Variants in AFF1 observed in about 807,000 individuals in gnomAD.
AFF1 encodes AF4/FMR2 family member 1.
A neutral mutation model predicts 121.7 loss-of-function variants in AFF1; 48 were observed. The ratio of observed to expected loss-of-function variants is 0.39; its 90% CI spans 0.31 to 0.50. The LOEUF (loss-of-function observed/expected upper bound fraction) is 0.50, where lower values mean the gene tolerates loss of function less well. AFF1 is among the 20% of genes least tolerant of loss of function. The probability of loss-of-function intolerance (pLI) is 0.76; values close to 1 mark genes in which losing one functional copy is unlikely to be tolerated. For synonymous variants in AFF1, 613 were observed against 563.0 expected (o/e 1.09, Z -1.26); for missense variants, 1,523 against 1,511.7 (o/e 1.01, Z -0.12).
chr4:86,997,578 C>G (rs569531214), intron 2 of AFF1, among the ~76,000 whole-genome samples: 2 of 147,554 alleles, frequency 1.4e-5, no homozygotes, highest in African/African-American at 5.0e-5. Context: ...CTGGCCAACA[C>G]GGTGAAACCC....
chr4:87,039,422 G>T (rs958584036), intron 2 of AFF1, among the ~76,000 whole-genome samples: 3 of 152,232 alleles, frequency 2.0e-5, no homozygotes, highest in African/African-American at 7.2e-5. Flanking sequence ...CTTTCTGAAA[G>T]TGAGAGCATT....
rs753186809 is a variant in AFF1 at position 87,069,271 on chromosome 4, CTTTTTTTTT to C, written c.1060-14835_1060-14827del. ...ACAGGTGGCGTGGTGTGTGTGGCCT[CTTTTTTTTT>C]TTTTTTTTTTTTTGGCTACCACTAG... On this transcript the variant is annotated intron_variant, in intron 4 of 20. Transcript: ENST00000395146. 5.0e-4 allele frequency among the ~76,000 whole-genome samples: 40 copies of C among 80,570 alleles called. No homozygotes were observed. In the East Asian group the frequency reaches 9.0e-3, roughly 18 times the overall value. The allele number at this position is 80,570 out of a possible 152,430, so 52.9% of individuals were successfully genotyped here. A position where few individuals can be genotyped will look rare whatever the true frequency, so the allele number is the denominator to read the frequency against.
intron 12 of AFF1, among the ~76,000 whole-genome samples, chr4:87,121,279 T>C (rs1727658174): frequency 6.6e-6 from 1 of 152,204 alleles, no homozygotes; most frequent in Non-Finnish European, 1.5e-5. Context: ...CTCATCTGAA[T>C]GGCTTCTTGA....
chr4:86,946,234 C>A (rs1015435627), intron 1 of AFF1, among the ~76,000 whole-genome samples: 1 of 152,106 alleles, frequency 6.6e-6, no homozygotes, highest in Non-Finnish European at 1.5e-5. Flanking sequence ...ACCGCAATAC[C>A]CTACCTTGAT....
At chr4:87,023,106 T>A (rs340646) in intron 2 of AFF1, among the ~76,000 whole-genome samples, 12 of 151,870 alleles carry the variant, frequency 7.9e-5, no homozygotes, top group African/African-American at 2.9e-4. Flanking sequence ...ATGGGGTCTT[T>A]CTTTGTTGTT....
At chr4:86,981,004 G>GTTTT (rs570512802) in intron 2 of AFF1, among the ~76,000 whole-genome samples, 1 of 91,474 alleles carries the variant, frequency 1.1e-5, no homozygotes, top group East Asian at 3.6e-4. Flanking sequence ...ACTTAACAGT[G>GTTTT]TTTTGTTTGT....
rs569353637 is a variant in AFF1, at chr4:87,127,174, C to G, written c.2903+57C>G. The G allele has an allele frequency of 1.1e-4, 136 of 1,251,350 alleles. 3 individuals carry two copies. The highest frequency in any genetic ancestry group is 1.5e-4 in the Non-Finnish European group (131 of 883,104). The allele number at this position is 1,251,350 out of a possible 1,614,324, so 77.5% of individuals were successfully genotyped here. A position where few individuals can be genotyped will look rare whatever the true frequency, so the allele number is the denominator to read the frequency against. ...TTTTGTTTTGTTTTGCTTCCCCCCCCCACCAAGATAGAGTCTCACTCTGTC... is the reference window on the plus strand; with the variant it reads ...TTTTGTTTTGTTTTGCTTCCCCCCCGCACCAAGATAGAGTCTCACTCTGTC... On this transcript the variant is annotated intron_variant, in intron 15 of 20. Transcript: ENST00000395146.
At chr4:86,935,659 C>T (rs141814000) in intron 1 of AFF1, 12 of 152,426 alleles carry the variant, frequency 7.9e-5, no homozygotes, top group Admixed American at 4.6e-4. Context: ...AAGTGGGGTT[C>T]TTCTCTCCTG....
intron 2 of AFF1, among the ~76,000 whole-genome samples, chr4:87,035,923 C>G (rs1405935659): frequency 6.6e-6 from 1 of 152,192 alleles, no homozygotes; most frequent in East Asian, 1.9e-4. Flanking sequence ...GAGAGACTTT[C>G]ACCAGCCTCA....
intron 4 of AFF1, 69 bp from the exon 5 acceptor site, chr4:87,084,050 AG>A: frequency 1.4e-6 from 2 of 1,383,528 alleles, no homozygotes; most frequent in Non-Finnish European, 2.1e-6. Context: ...GCATTAATAC[AG>A]TCATCCACCA....
At chr4:87,127,592 C>T (rs1439064434) in intron 15 of AFF1, 51 bp from the exon 16 acceptor site, 4 of 1,571,062 alleles carry the variant, frequency 2.5e-6, no homozygotes, top group Admixed American at 1.7e-5. Context: ...TTGCCCTAGT[C>T]TAGTAATTTT....
At chr4:87,109,167 A>AT (rs1161917337) in intron 11 of AFF1, among the ~76,000 whole-genome samples, 3 of 152,214 alleles carry the variant, frequency 2.0e-5, no homozygotes, top group African/African-American at 7.2e-5. Flanking sequence ...CATGTATTTA[A>AT]TAAGGGAATG....
chr4:87,108,329 C>T lies in AFF1; in HGVS notation c.1533+14C>T, dbSNP rs560568293. The T allele has an allele frequency of 3.1e-6, 5 of 1,610,648 alleles. No homozygotes were observed. The highest frequency in any genetic ancestry group is 2.2e-5 in the East Asian group (1 of 44,824). ...CCAGCTCCGGAGGTACCGTGTTCCC[C>T]CTCGAGATGGCCACCTTAGATGGCA... On this transcript the variant is annotated intron_variant, in intron 11 of 20. Transcript: ENST00000395146.
In AFF1 at chr4:87,105,812, C is replaced by T; in HGVS notation, c.1343C>T (p.Pro448Leu). 1 of 1,614,130 alleles carries T rather than the reference C, an allele frequency of 6.2e-7. No individual in the cohort carries two copies. Among genetic ancestry groups the T allele is most frequent in the Non-Finnish European group, 8.5e-7 (1 of 1,180,028 alleles). Residue 448 changes from proline (P) to leucine (L), a missense_variant, in exon 10 of 21, where the codon CCA becomes CTA. Around this residue, in one of 5 missense-constraint regions of AFF1, gnomAD observed 905 missense variants for 842.5 expected, o/e 1.07. Coordinates refer to ENST00000395146, the MANE Select transcript of AFF1 (RefSeq NM_001166693.3). ...DSEDSDSEQT[P>L]EKPPSSSAPP... is the part of the protein sequence containing the mutation. ...CCCCTTATTGTGAATGCCTAGACCC[C>T]AGAGAAGCCTCCCTCCTCATCTGCA...
Position 87,132,275 on chromosome 4 carries a change from C to G in AFF1, c.3178C>G (p.Arg1060Gly). 1 of 1,611,648 alleles carries G rather than the reference C, an allele frequency of 6.2e-7. No individual in the cohort carries two copies. ...QEKIFAVLCM[R>G]CQSILNMAMF... ...CACTTCTGTCTTTGTTCATAGCATG[C>G]GTTGCCAGTCCATTTTGAACATGGC... The change falls in exon 19 of 21, where the codon CGT (arginine) becomes GGT (glycine). Residue 1060 changes from arginine (R) to glycine (G), a missense_variant. Arg to Gly is a moderately radical substitution (Grantham distance 125, BLOSUM62 -2). This residue lies in a region of AFF1 where 241 missense variants were observed against 265.2 expected (regional missense o/e 0.91). Coordinates refer to ENST00000395146, the MANE Select transcript of AFF1 (RefSeq NM_001166693.3).
In AFF1 at chr4:87,139,309, T is replaced by C. The variant is rs1411610452; in HGVS notation, c.*3608T>C. ...TTGTATTTGTGCATCTTAAAGTAGG[T>C]TGAGGCTTGAGGCTGGGCTTTCGGG... On this transcript the variant is annotated 3_prime_UTR_variant, in exon 21 of 21. Coordinates refer to ENST00000395146, the MANE Select transcript of AFF1 (RefSeq NM_001166693.3). 4.3e-5 allele frequency: 10 copies of C among 233,026 alleles called. No homozygotes were observed. The highest frequency in any genetic ancestry group is 2.2e-4 in the African/African-American group (10 of 45,344). 14.4% of individuals were successfully genotyped at this position (233,026 alleles called of 1,614,324 possible). A position where few individuals can be genotyped will look rare whatever the true frequency, so the allele number is the denominator to read the frequency against.
chr4:86,976,148 C>T (rs1723287424), intron 2 of AFF1, among the ~76,000 whole-genome samples: 1 of 152,046 alleles, frequency 6.6e-6, no homozygotes, highest in Non-Finnish European at 1.5e-5. Flanking sequence ...TATTGCCCTG[C>T]AGTGGAAGGA....
At chr4:87,060,863 A>C (rs1272409929) in intron 4 of AFF1, among the ~76,000 whole-genome samples, 1 of 49,364 alleles carries the variant, frequency 2.0e-5, no homozygotes, top group Non-Finnish European at 3.8e-5. Flanking sequence ...AAAAAAAAAA[A>C]AAAACACAAA....
At position 87,135,638 on chromosome 4, in the gene AFF1, G is replaced by A. The variant is rs752130335; in HGVS notation, c.3594G>A (p.Val1198=). Residue 1198 remains valine, a synonymous_variant, in exon 21 of 21, where the codon GTG becomes GTA. Coordinates refer to ENST00000395146, the MANE Select transcript of AFF1 (RefSeq NM_001166693.3). ...VCTLALNSSL[V]DLVHYTRQGF... is the part of the protein sequence containing the mutation. ...CCTTGGCCCTCAACAGCAGTTTGGT[G>A]GACCTGGTGCACTATACACGACAGG... 39 of 1,612,462 alleles carry A rather than the reference G, an allele frequency of 2.4e-5. No individual in the cohort carries two copies. Among genetic ancestry groups the A allele is most frequent in the Non-Finnish European group, 3.2e-5 (38 of 1,179,268 alleles).
Sources: allele counts gnomAD v4.1 joint callset (sites outside exome capture counted in the v4.1 genomes callset), GRCh38; gene constraint gnomAD v4.1.1; regional missense constraint gnomAD v4.1.1; transcripts MANE v1.5; gene names NCBI Gene and HGNC (gene_info 2026-07-23, HGNC 2026-07-21).